NTSR1: variants seen among roughly 807,000 people sequenced by gnomAD.
NTSR1 encodes neurotensin receptor 1.
Under a neutral mutation model 31.2 loss-of-function variants are expected in NTSR1, and 29 were observed. That is an observed-to-expected ratio of 0.93 (90% CI 0.69 to 1.27). The LOEUF (loss-of-function observed/expected upper bound fraction) is 1.27, where lower values mean the gene tolerates loss of function less well. Ranked by LOEUF, NTSR1 falls within the 50% of genes most tolerant of loss-of-function variation. NTSR1 has a pLI of 0.00. For synonymous variants in NTSR1, 282 were observed against 269.9 expected, an observed-to-expected ratio of 1.04 and a Z score of -0.44; for missense variants, 697 against 595.4, an observed-to-expected ratio of 1.17 and a Z score of -1.78.
At chr20:62,747,947 G>A (rs986715499) in intron 1 of NTSR1, among the ~76,000 whole-genome samples, 4 of 152,168 alleles carry the variant, frequency 2.6e-5, no homozygotes, top group Admixed American at 6.5e-5. Flanking sequence ...AGCCCGAGGC[G>A]GGTGGATCAC....
Position 62,744,962 on chromosome 20 carries a change from C to T in NTSR1, c.715-9723C>T, listed in dbSNP as rs8115367. The stretch of plus-strand genomic sequence containing the variant: ...ACAGCAGAGGATACTGCCAGAAGCA[C>T]GAATGAGATTCCCATGGAGGCAGCC... On this transcript the variant is annotated intron_variant, in intron 1 of 3. Transcript: ENST00000370501. This position sits in a 1 kb window ranked among gnomAD's most constrained non-coding sequence, Gnocchi z 4.1. 2.0e-3 allele frequency among the ~76,000 whole-genome samples: 298 copies of T among 152,292 alleles called. 6 individuals carry two copies. Among genetic ancestry groups the T allele is most frequent in the African/African-American group, 6.2e-3 (258 of 41,554 alleles).
At chr20:62,717,662 C>T (rs946655353) in intron 1 of NTSR1, among the ~76,000 whole-genome samples, 3 of 152,210 alleles carry the variant, frequency 2.0e-5, no homozygotes, top group South Asian at 4.1e-4. Context: ...AATGCAGCAG[C>T]GCTTGGGAGG....
chr20:62,719,760 T>C (rs974992632), intron 1 of NTSR1, among the ~76,000 whole-genome samples: 1 of 152,222 alleles, frequency 6.6e-6, no homozygotes, highest in Admixed American at 6.5e-5. Flanking sequence ...TTTGACTTGC[T>C]AGTGTTTTGC....
chr20:62,740,148 G>A (rs746907341), intron 1 of NTSR1, among the ~76,000 whole-genome samples: 3 of 152,224 alleles, frequency 2.0e-5, no homozygotes, highest in Non-Finnish European at 2.9e-5. Context: ...TCAAGGAACC[G>A]GGCTCCAAAG....
chr20:62,726,949 C>G (rs1253075450), intron 1 of NTSR1, among the ~76,000 whole-genome samples: 2 of 152,218 alleles, frequency 1.3e-5, no homozygotes, highest in Admixed American at 1.3e-4. Context: ...TGCACCTGTC[C>G]TCTGAGCCCC....
rs1421759168 is a variant in NTSR1, at chr20:62,761,393, G to A, written c.*1126G>A. ...GGCACAGACTCATTTGTCACCTTCT[G>A]GCGGCGGCAGCCCTGGCCCCGGCCT... On this transcript the variant is annotated 3_prime_UTR_variant, in exon 4 of 4. Transcript: ENST00000370501. The A allele has an allele frequency of 6.6e-6, 1 of 152,286 alleles. No individual in the cohort carries two copies. Among genetic ancestry groups the A allele is most frequent in the Non-Finnish European group, 1.5e-5 (1 of 68,168 alleles). 9.4% of individuals were successfully genotyped at this position (152,286 alleles called of 1,614,324 possible). A position where few individuals can be genotyped will look rare whatever the true frequency, so the allele number is the denominator to read the frequency against.
rs201781016 is a variant in NTSR1, at chr20:62,709,900, C to A, written c.693C>A (p.Ala231=). The A allele has an allele frequency of 1.9e-6, 3 of 1,596,898 alleles. No individual in the cohort carries two copies. Among genetic ancestry groups the A allele is most frequent in the African/African-American group, 2.7e-5 (2 of 74,504 alleles). The change falls in exon 1 of 4, where the codon GCC becomes GCA. Residue 231 remains alanine (A), a synonymous_variant. Transcript: ENST00000370501. Reference sequence around the variant, plus strand: ...TGTGCACCCCCACCATCCACACTGCCACCGTCAAGGTCGTCATACAGGTGA... The same window carrying A: ...TGTGCACCCCCACCATCCACACTGCAACCGTCAAGGTCGTCATACAGGTGA... ...GLVCTPTIHT[A]TVKVVIQVNT... is the part of the protein sequence containing the mutation.
At chr20:62,721,758 C>T (rs986794705) in intron 1 of NTSR1, among the ~76,000 whole-genome samples, 3 of 152,254 alleles carry the variant, frequency 2.0e-5, no homozygotes, top group African/African-American at 7.2e-5. Context: ...TCCTGTCACA[C>T]TCTCTAGTTT....
intron 1 of NTSR1, among the ~76,000 whole-genome samples, chr20:62,750,689 TC>T (rs1232459910): frequency 2.0e-4 from 15 of 74,274 alleles, no homozygotes; most frequent in African/African-American, 8.1e-4. Flanking sequence ...AGACTCCGTC[TC>T]AAAAAAAAAA....
At chr20:62,721,292 T>G (rs1988823930) in intron 1 of NTSR1, among the ~76,000 whole-genome samples, 1 of 152,256 alleles carries the variant, frequency 6.6e-6, no homozygotes, top group African/African-American at 2.4e-5. Context: ...TTTAAAGTCT[T>G]TGTCTGGTAA....
At position 62,760,072 on chromosome 20, in the gene NTSR1, C is replaced by T. The variant is rs769660898; in HGVS notation, c.1062C>T (p.Tyr354=). 31 of 1,614,006 alleles carry T rather than the reference C, an allele frequency of 1.9e-5. No homozygotes were observed. Among genetic ancestry groups the T allele is most frequent in the Admixed American group, 1.0e-4 (6 of 60,004 alleles). The change falls in exon 4 of 4, where the codon TAC becomes TAT. Residue 354 remains tyrosine (Y), a synonymous_variant. Transcript: ENST00000370501. Reference sequence around the variant, plus strand: ...ACATGGTGACCAACGCACTCTTCTACGTCAGCTCCACCATCAACCCCATCC... The same window carrying T: ...ACATGGTGACCAACGCACTCTTCTATGTCAGCTCCACCATCAACCCCATCC... The part of the protein sequence containing the change: ...YFYMVTNALF[Y]VSSTINPILY...
At position 62,742,685 on chromosome 20, in the gene NTSR1, T is replaced by C. The variant is rs530464702; in HGVS notation, c.715-12000T>C. ...TTTCCCTGGGTCCCTCCATGGTGTC[T>C]CCTCTGAGGACAGCCACTGGTCAGA... is the stretch of plus-strand genomic sequence containing the variant. On this transcript the variant is annotated intron_variant, in intron 1 of 3. Transcript: ENST00000370501. This position sits in a 1 kb window ranked among gnomAD's most constrained non-coding sequence, Gnocchi z 7.1. Among the ~76,000 whole-genome samples, 1 of 149,532 alleles carries C rather than the reference T, an allele frequency of 6.7e-6. No individual in the cohort carries two copies. Among genetic ancestry groups the C allele is most frequent in the East Asian group, 2.2e-4 (1 of 4,456 alleles).
At chr20:62,751,089 C>T (rs928682753) in intron 1 of NTSR1, among the ~76,000 whole-genome samples, 2 of 152,134 alleles carry the variant, frequency 1.3e-5, no homozygotes, top group Non-Finnish European at 2.9e-5. Context: ...GTTGCCCAGA[C>T]TGGTCTCAAA....
rs777617475 is a variant in NTSR1, at chr20:62,744,383, T to C, written c.715-10302T>C. Among the ~76,000 whole-genome samples, 39 of 152,040 alleles carry C rather than the reference T, an allele frequency of 2.6e-4. No homozygotes were observed. The highest frequency in any genetic ancestry group is 2.9e-4 in the Non-Finnish European group (20 of 68,000). On this transcript the variant is annotated intron_variant, in intron 1 of 3. Coordinates refer to ENST00000370501, the MANE Select transcript of NTSR1 (RefSeq NM_002531.3). This position sits in a 1 kb window ranked among gnomAD's most constrained non-coding sequence, Gnocchi z 4.1. ...TCCTGGCTAACATGGTGAAACCCTG[T>C]CTCTACTAAAAATACAAAAAAATTA...
In NTSR1 at chr20:62,754,841, G is replaced by T; in HGVS notation, c.871G>T (p.Glu291Ter). Residue 291 changes from glutamate (E) to a stop codon, truncating the protein, a stop_gained, in exon 2 of 4, where the codon GAG (glutamate) becomes TAG (stop). Transcript: ENST00000370501. LOFTEE classifies it high-confidence loss of function. ...GEHSTFSMAI[E>*]PGRVQALRHG... is the part of the protein sequence containing the mutation. ...GCACAGCACATTCAGCATGGCCATC[G>T]AGCCTGGCAGGGTCCAGGCCCTGCG... 1 of 1,607,436 alleles carries T rather than the reference G, an allele frequency of 6.2e-7. No homozygotes were observed.
Position 62,714,953 on chromosome 20 carries a change from C to T in NTSR1, c.714+5032C>T, listed in dbSNP as rs576220523. Among the ~76,000 whole-genome samples the T allele has an allele frequency of 3.9e-5, 6 of 152,260 alleles. No homozygotes were observed. Among genetic ancestry groups the T allele is most frequent in the African/African-American group, 1.4e-4 (6 of 41,544 alleles). ...AAATGGTCCTGCTCTCTTAGAGGTA[C>T]ATGCGGAAATGTTTACAGACAAAAT... is the stretch of plus-strand genomic sequence containing the variant. On this transcript the variant is annotated intron_variant, in intron 1 of 3. Transcript: ENST00000370501. This position sits in a 1 kb window ranked among gnomAD's most constrained non-coding sequence, Gnocchi z 4.1.
intron 2 of NTSR1, among the ~76,000 whole-genome samples, chr20:62,757,332 C>T (rs1036136067): frequency 2.0e-5 from 3 of 152,164 alleles, no homozygotes; most frequent in Non-Finnish European, 2.9e-5. Flanking sequence ...ACTGTCCTTT[C>T]CCCACTGAAT....
chr20:62,731,348 T>G (rs916623342), intron 1 of NTSR1, among the ~76,000 whole-genome samples: 1 of 152,204 alleles, frequency 6.6e-6, no homozygotes, highest in African/African-American at 2.4e-5. Context: ...CCTCCAAAAG[T>G]GCTGGGATTA....
At chr20:62,713,512 A>AT (rs540069863) in intron 1 of NTSR1, among the ~76,000 whole-genome samples, 1 of 152,302 alleles carries the variant, frequency 6.6e-6, no homozygotes, top group East Asian at 1.9e-4. Flanking sequence ...CTGGCCATGG[A>AT]TTATTTCAGG....
Sources: gnomAD v4.1 joint callset for allele counts (sites outside exome capture counted in the v4.1 genomes callset) on GRCh38, gnomAD v4.1.1 for gene constraint, Gnocchi (gnomAD v3.1) non-coding constraint, MANE v1.5 for transcripts, NCBI Gene and HGNC (gene_info 2026-07-23, HGNC 2026-07-21) for gene names.